AKAP6: variants seen among roughly 807,000 people sequenced by gnomAD.
The protein encoded by AKAP6 is A-kinase anchor protein 6.
A neutral mutation model predicts 188.5 loss-of-function variants in AKAP6; 58 were observed. That is an observed-to-expected ratio of 0.31 (90% CI 0.25 to 0.38). AKAP6 has a LOEUF of 0.38. AKAP6 is among the 10% of genes least tolerant of loss of function. The pLI is 1.00. For synonymous variants in AKAP6, 989 were observed against 998.6 expected (o/e 0.99, Z 0.18); for missense variants, 2,710 against 2,740.0 (o/e 0.99, Z 0.24).
chr14:32,508,745 A>AATT (rs1334349529), intron 2 of AKAP6, among the ~76,000 whole-genome samples: 2 of 152,202 alleles, frequency 1.3e-5, no homozygotes, highest in Non-Finnish European at 2.9e-5. Context: ...TGATCTAGAA[A>AATT]ATTATATACC....
chr14:32,733,712 T>C (rs1210734956), intron 10 of AKAP6: 2 of 152,206 alleles, frequency 1.3e-5, no homozygotes, highest in African/African-American at 4.8e-5. Context: ...TCTAACATAT[T>C]GTTGCCTTTT....
intron 1 of AKAP6, among the ~76,000 whole-genome samples, chr14:32,396,663 T>C (rs1888890086): frequency 6.6e-6 from 1 of 152,158 alleles, no homozygotes; most frequent in Non-Finnish European, 1.5e-5. Flanking sequence ...GCTCTCTCTC[T>C]CTCTTTCTCT....
At chr14:32,361,177 G>A (rs1360176493) in intron 1 of AKAP6, among the ~76,000 whole-genome samples, 7 of 151,872 alleles carry the variant, frequency 4.6e-5, no homozygotes, top group Admixed American at 1.3e-4. Flanking sequence ...AGGGGAATGC[G>A]GAGGATGAGG....
At chr14:32,608,049 T>G (rs937033921) in intron 7 of AKAP6, among the ~76,000 whole-genome samples, 3 of 152,182 alleles carry the variant, frequency 2.0e-5, no homozygotes, top group South Asian at 2.1e-4. Context: ...CTAATCTCCT[T>G]GAAGCACTTA....
intron 2 of AKAP6, among the ~76,000 whole-genome samples, chr14:32,488,826 C>G (rs926452965): frequency 6.6e-6 from 1 of 152,152 alleles, no homozygotes; most frequent in Non-Finnish European, 1.5e-5. Context: ...TTCTGCTCCC[C>G]TTGGTGGGCT....
intron 2 of AKAP6, among the ~76,000 whole-genome samples, chr14:32,517,110 G>T (rs538761897): frequency 6.6e-6 from 1 of 152,196 alleles, no homozygotes; most frequent in Non-Finnish European, 1.5e-5. Flanking sequence ...AAGACGACCA[G>T]TTGGTTACCT....
chr14:32,697,991 G>A (rs1287230269), intron 9 of AKAP6, among the ~76,000 whole-genome samples: 1 of 152,128 alleles, frequency 6.6e-6, no homozygotes, highest in Non-Finnish European at 1.5e-5. Flanking sequence ...GCTTAACATA[G>A]CTCTGCTCAT....
intron 2 of AKAP6, among the ~76,000 whole-genome samples, chr14:32,483,764 G>A (rs1410744053): frequency 6.6e-6 from 1 of 152,062 alleles, no homozygotes; most frequent in Non-Finnish European, 1.5e-5. Context: ...GATTACAGGT[G>A]TGAGCCACTG....
At chr14:32,518,721 G>T (rs936634485) in intron 2 of AKAP6, among the ~76,000 whole-genome samples, 3 of 152,174 alleles carry the variant, frequency 2.0e-5, no homozygotes, top group Non-Finnish European at 4.4e-5. Context: ...ACGTCTGATT[G>T]GTGTACCTGA....
chr14:32,429,110 C>T (rs534173852), intron 1 of AKAP6, among the ~76,000 whole-genome samples: 1 of 152,324 alleles, frequency 6.6e-6, no homozygotes, highest in East Asian at 1.9e-4. Context: ...ACTCCTTTCA[C>T]ACCGTCTTGG....
intron 1 of AKAP6, among the ~76,000 whole-genome samples, chr14:32,333,797 T>C (rs1886604946): frequency 1.3e-5 from 2 of 152,176 alleles, no homozygotes; most frequent in African/African-American, 4.8e-5. Context: ...AAACTTGACA[T>C]ATGGAAATAT....
intron 11 of AKAP6, among the ~76,000 whole-genome samples, chr14:32,756,620 C>T (rs943476662): frequency 2.0e-5 from 3 of 152,012 alleles, no homozygotes; most frequent in African/African-American, 4.8e-5. Flanking sequence ...CAGGGTAGGG[C>T]GTGGAGGCTG....
At chr14:32,695,854 A>G in intron 8 of AKAP6, 136 bp from the exon 9 acceptor site, 1 of 1,116,522 alleles carries the variant, frequency 9.0e-7, no homozygotes, top group South Asian at 1.8e-5. Context: ...AGTGTGTAAC[A>G]ACATAGAAAT....
chr14:32,362,107 T>A (rs566258502), intron 1 of AKAP6, among the ~76,000 whole-genome samples: 1 of 152,256 alleles, frequency 6.6e-6, no homozygotes, highest in South Asian at 2.1e-4. Context: ...ACTGAGAGGG[T>A]CCTTGAAGGA....
chr14:32,753,140 T>A (rs1268484249), intron 11 of AKAP6, among the ~76,000 whole-genome samples: 1 of 152,150 alleles, frequency 6.6e-6, no homozygotes, highest in Non-Finnish European at 1.5e-5. Context: ...TTTTCCATAT[T>A]TATATTAATT....
At chr14:32,407,543 T>G (rs1051042807) in intron 1 of AKAP6, among the ~76,000 whole-genome samples, 2 of 152,192 alleles carry the variant, frequency 1.3e-5, no homozygotes, top group Non-Finnish European at 2.9e-5. Flanking sequence ...TGTGCAGGCA[T>G]GTTTTCAGAG....
chr14:32,396,046 G>GTA (rs568013360), intron 1 of AKAP6, among the ~76,000 whole-genome samples: 72 of 151,612 alleles, frequency 4.7e-4, no homozygotes, highest in South Asian at 2.5e-3. Context: ...GCTATAATGT[G>GTA]TATATATATA....
At chr14:32,599,126 G>A (rs1166092012) in intron 5 of AKAP6, among the ~76,000 whole-genome samples, 1 of 152,078 alleles carries the variant, frequency 6.6e-6, no homozygotes. Context: ...ATATTTTATA[G>A]AACACTGCTA....
At chr14:32,577,030 T>A (rs1427214857) in intron 4 of AKAP6, 90 bp from the exon 5 acceptor site, 1 of 1,449,996 alleles carries the variant, frequency 6.9e-7, no homozygotes, top group East Asian at 2.4e-5. Flanking sequence ...ATGGATAAAA[T>A]TTGGAACTTT....
Sources: gnomAD v4.1 joint callset for allele counts (sites outside exome capture counted in the v4.1 genomes callset) on GRCh38, gnomAD v4.1.1 for gene constraint, MANE v1.5 for transcripts, NCBI Gene and HGNC (gene_info 2026-07-23, HGNC 2026-07-21) for gene names.